Variants in PLEKHG1 observed in about 807,000 individuals in gnomAD.
The protein encoded by PLEKHG1 is pleckstrin homology domain-containing family G member 1.
In PLEKHG1, 44 loss-of-function variants were observed where a neutral mutation model predicts 100.8. That is an observed-to-expected ratio of 0.44 (90% CI 0.34 to 0.56). The LOEUF (loss-of-function observed/expected upper bound fraction) is 0.56. Among genes scored for constraint, PLEKHG1 ranks in the 20% least tolerant of loss-of-function variants. PLEKHG1 has a pLI of 0.01. For missense variants in PLEKHG1, 1,545 were observed against 1,720.9 expected, an observed-to-expected ratio of 0.90 and a Z score of 1.81; for synonymous variants, 640 against 662.5, an observed-to-expected ratio of 0.97 and a Z score of 0.52.
chr6:150,792,240 C>T (rs1277720990), intron 4 of PLEKHG1, among the ~76,000 whole-genome samples: 3 of 151,854 alleles, frequency 2.0e-5, no homozygotes, highest in Admixed American at 2.0e-4. Context: ...GCCTGTAGTC[C>T]CAGCTACTTG....
chr6:150,779,344 G>GTTAGTTTTTTTTTTT (rs1554272274), intron 3 of PLEKHG1, among the ~76,000 whole-genome samples: 13 of 104,534 alleles, frequency 1.2e-4, no homozygotes, highest in African/African-American at 5.2e-4. Context: ...TTGTCAAGAA[G>GTTAGTTTTTTTTTTT]TTTTTTTTTT....
In PLEKHG1 at chr6:150,641,876, C is replaced by CAAAAAAAAAAA. The variant is rs71554473; in HGVS notation, c.-158+3764_-158+3774dup. Among the ~76,000 whole-genome samples the CAAAAAAAAAAA allele has an allele frequency of 4.1e-3, 317 of 76,804 alleles. 3 individuals carry two copies. The highest frequency in any genetic ancestry group is 5.5e-3 in the Non-Finnish European group (249 of 44,888). 50.4% of individuals were successfully genotyped at this position (76,804 alleles called of 152,430 possible). ...GTTTTACTTGACTGATGTGAAAAGGCAAAAAAAAAAAAAAAAAAAAAAAGC... is the reference window on the plus strand; with the variant it reads ...GTTTTACTTGACTGATGTGAAAAGGCAAAAAAAAAAAAAAAAAAAAAAAAAAAAAAAAAAGC... On this transcript the variant is annotated intron_variant, in intron 2 of 3. Coordinates refer to the PLEKHG1 transcript ENST00000367326.
At chr6:150,818,697 GAATA>G (rs761146650) in intron 11 of PLEKHG1, among the ~76,000 whole-genome samples, 2 of 152,190 alleles carry the variant, frequency 1.3e-5, no homozygotes, top group South Asian at 4.1e-4. Context: ...AAGCAGGAGA[GAATA>G]AATGTTACAG....
intron 14 of PLEKHG1, 21 bp from the exon 16 acceptor site, chr6:150,830,561 A>G (rs1583213257): frequency 7.1e-6 from 11 of 1,545,500 alleles, no homozygotes; most frequent in Admixed American, 1.8e-5. Context: ...GATTCAGTTG[A>G]TATGTTTCCA....
At chr6:150,651,681 A>G (rs1048899592) in intron 3 of PLEKHG1, 20 of 152,230 alleles carry the variant, frequency 1.3e-4, no homozygotes, top group African/African-American at 4.8e-4. Context: ...CGACACGGTG[A>G]AACTCCATCT....
intron 3 of PLEKHG1, among the ~76,000 whole-genome samples, chr6:150,781,510 A>C (rs1289499628): frequency 6.6e-6 from 1 of 151,988 alleles, no homozygotes. Flanking sequence ...ATCTCCAAAA[A>C]AAAAAGAAAA....
intron 2 of PLEKHG1, among the ~76,000 whole-genome samples, chr6:150,763,771 T>C (rs949387863): frequency 6.6e-6 from 1 of 152,206 alleles, no homozygotes; most frequent in African/African-American, 2.4e-5. Flanking sequence ...AGGAGACAGA[T>C]GGGTCCCCAT....
In PLEKHG1 at chr6:150,652,278, C is replaced by T. The variant is rs182801396; in HGVS notation, c.-99+1492C>T. On this transcript the variant is annotated intron_variant, in intron 3 of 3. Coordinates refer to the PLEKHG1 transcript ENST00000367326. ...CCTAAGTACTTTAACTCATCAGGCT[C>T]TGACCACATTATGAACTATTTGTCA... 2.6e-4 allele frequency among the ~76,000 whole-genome samples: 40 copies of T among 152,348 alleles called. 3 individuals are homozygous for T. The East Asian group carries it at 5.8e-3, about 22-fold the overall frequency.
At chr6:150,643,697 T>G (rs1778365944) in intron 2 of PLEKHG1, among the ~76,000 whole-genome samples, 1 of 152,194 alleles carries the variant, frequency 6.6e-6, no homozygotes, top group Admixed American at 6.5e-5. Context: ...ATACCATACT[T>G]TATTCACTTT....
At chr6:150,668,077 T>A (rs1779467163) in intron 3 of PLEKHG1, among the ~76,000 whole-genome samples, 1 of 152,252 alleles carries the variant, frequency 6.6e-6, no homozygotes, top group East Asian at 1.9e-4. Flanking sequence ...GTCTCATTGC[T>A]GTTTTTCTAA....
At chr6:150,668,925 T>C (rs1449881765) in intron 3 of PLEKHG1, among the ~76,000 whole-genome samples, 1 of 152,236 alleles carries the variant, frequency 6.6e-6, no homozygotes, top group Non-Finnish European at 1.5e-5. Context: ...GCTGAATTAT[T>C]GTGAGCAATG....
At chr6:150,664,334 C>T (rs532882573) in intron 3 of PLEKHG1, 4 of 152,296 alleles carry the variant, frequency 2.6e-5, no homozygotes, top group East Asian at 1.9e-4. Context: ...GGCTTACATC[C>T]GGCAGGATCC....
In PLEKHG1 at chr6:150,823,638, A is replaced by G; in HGVS notation, c.1448-16A>G. The G allele has an allele frequency of 1.3e-6, 2 of 1,590,364 alleles. No homozygotes were observed. The highest frequency in any genetic ancestry group is 1.7e-6 in the Non-Finnish European group (2 of 1,159,036). On this transcript the variant is annotated splice_polypyrimidine_tract_variant and intron_variant, in intron 13 of 15. Coordinates refer to ENST00000358517, the Ensembl canonical transcript of PLEKHG1. ...ATTTTCATTCTCAAACTTGAAAAAA[A>G]ACTTTTATTTTTCAGAAACAGCACA... is the stretch of plus-strand genomic sequence containing the variant.
chr6:150,626,584 G>A lies in PLEKHG1; in HGVS notation c.-203-11496G>A, dbSNP rs866033249. 2.6e-5 allele frequency among the ~76,000 whole-genome samples: 4 copies of A among 152,322 alleles called. No homozygotes were observed. The South Asian group carries it at 8.3e-4, about 32-fold the overall frequency. On this transcript the variant is annotated intron_variant, in intron 1 of 3. Coordinates refer to the PLEKHG1 transcript ENST00000367326. ...TAATTCACATTTTCTGATGCTTTAA[G>A]GGCTTCAGATGTACCCTGCTGGCAA...
At chr6:150,702,383 T>C (rs1230057929) in intron 3 of PLEKHG1, among the ~76,000 whole-genome samples, 3 of 152,032 alleles carry the variant, frequency 2.0e-5, no homozygotes, top group Non-Finnish European at 4.4e-5. Context: ...GGCAGGAGAA[T>C]CGCTTGAACC....
intron 1 of PLEKHG1, among the ~76,000 whole-genome samples, chr6:150,602,590 C>T (rs993689488): frequency 1.8e-4 from 28 of 152,168 alleles, no homozygotes; most frequent in South Asian, 4.1e-4. Flanking sequence ...CTTTCTTCTC[C>T]GCCCTTGTCT....
Position 150,819,729 on chromosome 6 carries a change from G to A in PLEKHG1, c.1363G>A (p.Gly455Ser), listed in dbSNP as rs763978652. 3.0e-5 allele frequency: 48 copies of A among 1,612,572 alleles called. No individual in the cohort carries two copies. Among genetic ancestry groups the A allele is most frequent in the South Asian group, 5.5e-5 (5 of 91,040 alleles). The change falls in exon 12 of 16, where the codon GGC becomes AGC. Residue 455 changes from glycine to serine, a missense_variant. Physicochemically the swap from Gly to Ser is moderately conservative, Grantham distance 56. Transcript: ENST00000358517. ...TGAGGGAGGGACGAAAGCACTGTTC[G>A]GCTCTAAAGAAGGTTCTGCTCCATA...
intron 1 of PLEKHG1, among the ~76,000 whole-genome samples, chr6:150,730,926 A>T (rs560132421): frequency 6.6e-6 from 1 of 150,634 alleles, no homozygotes; most frequent in South Asian, 2.1e-4. Flanking sequence ...AACATATTCA[A>T]CTTATGTTTA....
At chr6:150,818,036 A>G (rs1279672124) in intron 10 of PLEKHG1, 147 bp from the exon 12 acceptor site, 3 of 676,284 alleles carry the variant, frequency 4.4e-6, no homozygotes, top group Non-Finnish European at 7.7e-6. Context: ...AATTCCCTGC[A>G]CTGTGTGTAA....
Sources: gnomAD v4.1 joint callset for allele counts (sites outside exome capture counted in the v4.1 genomes callset) on GRCh38, gnomAD v4.1.1 for gene constraint, MANE v1.5 for transcripts, NCBI Gene and HGNC (gene_info 2026-07-23, HGNC 2026-07-21) for gene names.